SSPN: variants seen among roughly 807,000 people sequenced by gnomAD.
The protein encoded by SSPN is K-ras oncogene-associated protein.
SSPN carries 15 observed loss-of-function variants against 19.1 expected under a neutral mutation model. That is an observed-to-expected ratio of 0.78 (90% CI 0.52 to 1.21). SSPN has a LOEUF of 1.21. Ranked by LOEUF, SSPN falls within the 50% of genes most tolerant of loss-of-function variation. The pLI is 0.00. For missense variants in SSPN, 291 were observed against 314.0 expected (o/e 0.93, Z 0.55); for synonymous variants, 147 against 140.3 (o/e 1.05, Z -0.34).
chr12:26,178,639 A>C (rs1334525415), intron 1 of SSPN, among the ~76,000 whole-genome samples: 1 of 152,174 alleles, frequency 6.6e-6, no homozygotes, highest in Non-Finnish European at 1.5e-5. Flanking sequence ...ATAGGAGAGC[A>C]AAAAGGAACA....
At chr12:26,166,354 T>C (rs1169814129) in intron 1 of SSPN, among the ~76,000 whole-genome samples, 1 of 152,196 alleles carries the variant, frequency 6.6e-6, no homozygotes, top group African/African-American at 2.4e-5. Context: ...AATTATGTGG[T>C]CTAGTAATCA....
At chr12:26,123,926 T>A (rs893722886) in intron 1 of SSPN, 12 of 747,760 alleles carry the variant, frequency 1.6e-5, no homozygotes, top group African/African-American at 5.2e-5. Context: ...GAGCACCTAC[T>A]CCAGTTTGCG....
chr12:26,182,122 C>T (rs16930274), intron 1 of SSPN, among the ~76,000 whole-genome samples: 2,874 of 152,262 alleles, frequency 0.019, 91 homozygotes, highest in African/African-American at 0.063. Context: ...ATGGGCTCTC[C>T]TGGATTTGAG....
intron 1 of SSPN, among the ~76,000 whole-genome samples, chr12:26,142,707 G>A (rs977203501): frequency 2.6e-5 from 4 of 152,150 alleles, no homozygotes; most frequent in African/African-American, 9.7e-5. Context: ...TTCAGGACAT[G>A]GAGATTAGAA....
chr12:26,135,554 C>CA (rs1408425264), intron 1 of SSPN, among the ~76,000 whole-genome samples: 1 of 152,166 alleles, frequency 6.6e-6, no homozygotes, highest in Non-Finnish European at 1.5e-5. Flanking sequence ...GTCAGTCAGT[C>CA]GTGCCCTTGA....
intron 1 of SSPN, among the ~76,000 whole-genome samples, chr12:26,218,067 C>G (rs1000496928): frequency 2.0e-5 from 3 of 150,262 alleles, no homozygotes; most frequent in Non-Finnish European, 4.4e-5. Context: ...GGAACCAACC[C>G]AAATGTCCAA....
At chr12:26,200,016 T>C (rs1944863972) in intron 1 of SSPN, among the ~76,000 whole-genome samples, 1 of 152,266 alleles carries the variant, frequency 6.6e-6, no homozygotes, top group Non-Finnish European at 1.5e-5. Flanking sequence ...TGAAGTCAAT[T>C]TAAGTGCAAA....
At chr12:26,142,201 C>T (rs2137406583) in intron 1 of SSPN, among the ~76,000 whole-genome samples, 1 of 152,156 alleles carries the variant, frequency 6.6e-6, no homozygotes, top group South Asian at 2.1e-4. Flanking sequence ...GTCTAGGTGG[C>T]ATGAAAGGGT....
intron 1 of SSPN, among the ~76,000 whole-genome samples, chr12:26,203,394 G>C (rs929016827): frequency 6.6e-6 from 1 of 152,188 alleles, no homozygotes; most frequent in South Asian, 2.1e-4. Flanking sequence ...TGCTGTAAAT[G>C]TTCAAGTCTA....
Position 26,183,479 on chromosome 12 carries a change from G to A in SSPN, c.-30-40814G>A, listed in dbSNP as rs1199663701. On this transcript the variant is annotated intron_variant, in intron 1 of 2. Coordinates refer to the SSPN transcript ENST00000538142. ...TCAAAACTAAATTCAATGAATATAT[G>A]GAAATCTGATCCAGAGAGAATTTCT... 3.9e-5 allele frequency among the ~76,000 whole-genome samples: 6 copies of A among 152,122 alleles called. No individual in the cohort carries two copies. The East Asian group carries it at 1.2e-3, about 29-fold the overall frequency.
chr12:26,226,960 C>T (rs1305363299), intron 2 of SSPN, among the ~76,000 whole-genome samples: 1 of 152,032 alleles, frequency 6.6e-6, no homozygotes, highest in African/African-American at 2.4e-5. Context: ...GAGACGCGCC[C>T]GGGCGCTGCT....
chr12:26,130,409 T>C (rs1944390971), intron 1 of SSPN, among the ~76,000 whole-genome samples: 1 of 152,160 alleles, frequency 6.6e-6, no homozygotes, highest in Non-Finnish European at 1.5e-5. Context: ...GTAACAGATA[T>C]TTCTTCTGAC....
In SSPN at chr12:26,204,252, G is replaced by C. The variant is rs148222505; in HGVS notation, c.279+8301G>C. On this transcript the variant is annotated intron_variant, in intron 1 of 2. Coordinates refer to ENST00000242729, the MANE Select transcript of SSPN (RefSeq NM_005086.5). ...ACACACGGAGGTACGATGGGGTGGCGCGGCTCCGTGCTCATGCCAGTAGTG... is the reference window on the plus strand; with the variant it reads ...ACACACGGAGGTACGATGGGGTGGCCCGGCTCCGTGCTCATGCCAGTAGTG... Among the ~76,000 whole-genome samples the C allele has an allele frequency of 2.8e-3, 425 of 152,254 alleles. 2 individuals carry two copies. Among genetic ancestry groups the C allele is most frequent in the African/African-American group, 8.8e-3 (365 of 41,526 alleles).
At chr12:26,173,478 C>T (rs925521500) in intron 1 of SSPN, among the ~76,000 whole-genome samples, 1 of 152,180 alleles carries the variant, frequency 6.6e-6, no homozygotes, top group Non-Finnish European at 1.5e-5. Flanking sequence ...GCCTCTTCTG[C>T]TATCATGCTC....
chr12:26,199,207 A>T (rs1005371939), intron 1 of SSPN, among the ~76,000 whole-genome samples: 18 of 152,194 alleles, frequency 1.2e-4, no homozygotes, highest in Admixed American at 6.5e-5. Context: ...TGAATATTCA[A>T]GGTGTGGTTA....
rs533534957 is a variant in SSPN at position 26,234,609 on chromosome 12, C to G, written c.*3533C>G. Reference sequence around the variant, plus strand: ...TATTATCTCAAATGATTATTATCCCCTTCAAAAATACTGGTCTGTACTTTG... The same window carrying G: ...TATTATCTCAAATGATTATTATCCCGTTCAAAAATACTGGTCTGTACTTTG... On this transcript the variant is annotated 3_prime_UTR_variant, in exon 3 of 3. Coordinates refer to ENST00000242729, the MANE Select transcript of SSPN (RefSeq NM_005086.5). The G allele has an allele frequency of 6.6e-6, 1 of 152,212 alleles. No homozygotes were observed. The highest frequency in any genetic ancestry group is 1.5e-5 in the Non-Finnish European group (1 of 68,038). The allele number at this position is 152,212 out of a possible 1,614,324, so 9.4% of individuals were successfully genotyped here.
chr12:26,169,060 T>C (rs1202456701), intron 1 of SSPN, among the ~76,000 whole-genome samples: 2 of 151,592 alleles, frequency 1.3e-5, no homozygotes, highest in Non-Finnish European at 2.9e-5. Context: ...GTAATGATGG[T>C]CATCCAACAT....
intron 1 of SSPN, among the ~76,000 whole-genome samples, chr12:26,173,328 T>C (rs1441607171): frequency 2.0e-5 from 3 of 152,156 alleles, no homozygotes; most frequent in African/African-American, 7.2e-5. Context: ...GGTGCAACTG[T>C]TCTCTAAATA....
At chr12:26,173,270 G>A (rs1944664162) in intron 1 of SSPN, among the ~76,000 whole-genome samples, 1 of 152,146 alleles carries the variant, frequency 6.6e-6, no homozygotes, top group Non-Finnish European at 1.5e-5. Context: ...TGTCAGGGTG[G>A]CCTGTAAGGG....
Sources: allele counts gnomAD v4.1 joint callset (sites outside exome capture counted in the v4.1 genomes callset), GRCh38; gene constraint gnomAD v4.1.1; transcripts MANE v1.5; gene names NCBI Gene and HGNC (gene_info 2026-07-23, HGNC 2026-07-21).